The following THAP2 variants were observed in gnomAD, a reference collection of about 807,000 sequenced individuals.
The protein encoded by THAP2 is THAP domain containing 2, also known as THAP domain-containing protein 2.
Under a neutral mutation model 18.8 loss-of-function variants are expected in THAP2, and 16 were observed. The ratio of observed to expected loss-of-function variants is 0.85; its 90% CI spans 0.58 to 1.29. THAP2 has a LOEUF of 1.29. Among genes scored for constraint, THAP2 ranks in the 50% most tolerant of loss-of-function variants. The probability of loss-of-function intolerance (pLI) is 0.00; values close to 1 mark genes in which losing one functional copy is unlikely to be tolerated. For synonymous variants in THAP2, 80 were observed against 89.2 expected (o/e 0.90, Z 0.58); for missense variants, 251 against 265.3 (o/e 0.95, Z 0.38).
rs573614661 is a variant in THAP2, at chr12:71,677,381, C to G, written c.*273C>G. 2.6e-5 allele frequency: 6 copies of G among 231,808 alleles called. No individual in the cohort carries two copies. Among genetic ancestry groups the G allele is most frequent in the Admixed American group, 1.6e-4 (3 of 19,264 alleles). The allele number at this position is 231,808 out of a possible 1,614,324, so 14.4% of individuals were successfully genotyped here. On this transcript the variant is annotated 3_prime_UTR_variant, in exon 3 of 3. Coordinates refer to ENST00000308086, the MANE Select transcript of THAP2 (RefSeq NM_031435.4). ...TGTTTTTTGTTTTTGTCTTTTTAAA[C>G]TACTGTTAAAAGAACAGCTTATGAT...
chr12:71,668,816 G>A (rs1881386608), intron 1 of THAP2, among the ~76,000 whole-genome samples: 3 of 152,160 alleles, frequency 2.0e-5, no homozygotes, highest in Admixed American at 1.3e-4. Context: ...GTCTAGATAA[G>A]AATATATCCT....
intron 1 of THAP2, among the ~76,000 whole-genome samples, chr12:71,665,944 C>G (rs1188285919): frequency 1.3e-5 from 2 of 152,098 alleles, no homozygotes; most frequent in African/African-American, 4.8e-5. Context: ...TTTTCCTTCA[C>G]AGGGAAATCT....
At chr12:71,676,668 C>T (rs754068924) in intron 2 of THAP2, 21 bp from the exon 3 acceptor site, 1 of 1,556,936 alleles carries the variant, frequency 6.4e-7, no homozygotes, top group Admixed American at 2.1e-5. Context: ...ATGTTCAACC[C>T]TCTAATTTTA....
chr12:71,664,390 A>C lies in THAP2; in HGVS notation c.-120A>C. 2 of 1,243,666 alleles carry C rather than the reference A, an allele frequency of 1.6e-6. No individual in the cohort carries two copies. Among genetic ancestry groups the C allele is most frequent in the Non-Finnish European group, 2.3e-6 (2 of 853,810 alleles). The allele number at this position is 1,243,666 out of a possible 1,614,324, so 77.0% of individuals were successfully genotyped here. A position where few individuals can be genotyped will look rare whatever the true frequency, so the allele number is the denominator to read the frequency against. ...CACCCCTTCTTCCCACTCCGCTCTC[A>C]CGACTAAGCTCTCACGATTAAGGCA... On this transcript the variant is annotated 5_prime_UTR_variant, in exon 1 of 3. Transcript: ENST00000308086.
In THAP2 at chr12:71,678,452, A is replaced by G. The variant is rs1233774786; in HGVS notation, c.*1344A>G. On this transcript the variant is annotated 3_prime_UTR_variant, in exon 3 of 3. Coordinates refer to ENST00000308086, the MANE Select transcript of THAP2 (RefSeq NM_031435.4). ...TATTCTTATCATTGCCACTTGAACA[A>G]TTAAAGGGTTTGCTTTATTTCACTA... 2 of 152,790 alleles carry G rather than the reference A, an allele frequency of 1.3e-5. No homozygotes were observed. The highest frequency in any genetic ancestry group is 2.1e-4 in the South Asian group (1 of 4,830). 9.5% of individuals were successfully genotyped at this position (152,790 alleles called of 1,614,324 possible). A position where few individuals can be genotyped will look rare whatever the true frequency, so the allele number is the denominator to read the frequency against.
chr12:71,666,217 T>A (rs1182533061), intron 1 of THAP2, among the ~76,000 whole-genome samples: 1 of 152,038 alleles, frequency 6.6e-6, no homozygotes, highest in African/African-American at 2.4e-5. Flanking sequence ...CAGACACCAA[T>A]AACAATGTTT....
intron 1 of THAP2, among the ~76,000 whole-genome samples, chr12:71,668,504 T>G (rs568467667): frequency 5.3e-4 from 80 of 152,298 alleles, no homozygotes; most frequent in Non-Finnish European, 9.4e-4. Context: ...TTGCCTAAAG[T>G]CACCCAGATA....
intron 1 of THAP2, among the ~76,000 whole-genome samples, chr12:71,668,390 G>A (rs1280804944): frequency 6.6e-6 from 1 of 152,138 alleles, no homozygotes; most frequent in Non-Finnish European, 1.5e-5. Flanking sequence ...TGTGCACTGG[G>A]CTAAGCATTT....
chr12:71,674,997 C>CA (rs201970891), intron 2 of THAP2, among the ~76,000 whole-genome samples: 1 of 147,902 alleles, frequency 6.8e-6, no homozygotes, highest in East Asian at 2.0e-4. Context: ...AAAAATGAAG[C>CA]AAAAAAAAGT....
rs1881289265 is a variant in THAP2, at chr12:71,664,482, A to G, written c.-28A>G. 6.2e-7 allele frequency: 1 copy of G among 1,613,670 alleles called. No individual in the cohort carries two copies. Among genetic ancestry groups the G allele is most frequent in the Non-Finnish European group, 8.5e-7 (1 of 1,179,728 alleles). On this transcript the variant is annotated 5_prime_UTR_variant, in exon 1 of 3. Transcript: ENST00000308086. Reference sequence around the variant, plus strand: ...GCAGCCAGCGCCTCAGTAGAGACCTAAGGGCGCTGAATGAGTGGGAAAGGG... The same window carrying G: ...GCAGCCAGCGCCTCAGTAGAGACCTGAGGGCGCTGAATGAGTGGGAAAGGG...
At position 71,678,908 on chromosome 12, in the gene THAP2, G is replaced by A. The variant is rs1354070035; in HGVS notation, c.*1800G>A. On this transcript the variant is annotated 3_prime_UTR_variant, in exon 3 of 3. Coordinates refer to ENST00000308086, the MANE Select transcript of THAP2 (RefSeq NM_031435.4). The stretch of plus-strand genomic sequence containing the variant: ...TCTTAAGTATTAGATGTAGTTCCTT[G>A]GAATTGTCATTACATATTTATTTTT... 1 of 151,768 alleles carries A rather than the reference G, an allele frequency of 6.6e-6. No homozygotes were observed. The allele number at this position is 151,768 out of a possible 1,614,324, so 9.4% of individuals were successfully genotyped here. A position where few individuals can be genotyped will look rare whatever the true frequency, so the allele number is the denominator to read the frequency against.
chr12:71,670,701 G>A (rs906448164), intron 1 of THAP2, among the ~76,000 whole-genome samples: 14 of 152,092 alleles, frequency 9.2e-5, no homozygotes, highest in African/African-American at 3.4e-4. Flanking sequence ...CATTTTGGGA[G>A]GCCGAAGCAG....
At chr12:71,675,732 T>C (rs1325838717) in intron 2 of THAP2, among the ~76,000 whole-genome samples, 1 of 152,122 alleles carries the variant, frequency 6.6e-6, no homozygotes, top group Non-Finnish European at 1.5e-5. Context: ...ATCAAGATGG[T>C]AAATTGCAGA....
Position 71,664,960 on chromosome 12 carries a change from T to G in THAP2, c.71+380T>G, listed in dbSNP as rs763704790. ...AAGCCTGCTGTGTTCCCGTTAAAATTAGGAAATTCTCACTAGATGAATTGA... is the reference window on the plus strand; with the variant it reads ...AAGCCTGCTGTGTTCCCGTTAAAATGAGGAAATTCTCACTAGATGAATTGA... On this transcript the variant is annotated intron_variant, in intron 1 of 2. Transcript: ENST00000308086. The G allele has an allele frequency of 7.1e-6, 5 of 702,312 alleles. No homozygotes were observed. In the South Asian group the frequency reaches 7.4e-5, roughly 10 times the overall value. The allele number at this position is 702,312 out of a possible 1,614,324, so 43.5% of individuals were successfully genotyped here. A position where few individuals can be genotyped will look rare whatever the true frequency, so the allele number is the denominator to read the frequency against.
chr12:71,672,899 C>A (rs956588453), intron 1 of THAP2, among the ~76,000 whole-genome samples: 9 of 152,062 alleles, frequency 5.9e-5, no homozygotes, highest in Admixed American at 5.2e-4. Context: ...CACTTTCTGC[C>A]ATGATACACA....
intron 1 of THAP2, 60 bp downstream of exon 1, chr12:71,664,640 G>A (rs1881296246): frequency 4.4e-6 from 7 of 1,582,442 alleles, no homozygotes; most frequent in Non-Finnish European, 8.7e-7. Flanking sequence ...GCTATCGCTT[G>A]TGTGGAAGGA....
At position 71,679,785 on chromosome 12, in the gene THAP2, GC is replaced by G. The variant is rs927860561; in HGVS notation, c.*2678del. The G allele has an allele frequency of 6.6e-6, 1 of 152,086 alleles. No homozygotes were observed. Among genetic ancestry groups the G allele is most frequent in the African/African-American group, 2.4e-5 (1 of 41,416 alleles). 9.4% of individuals were successfully genotyped at this position (152,086 alleles called of 1,614,324 possible). A position where few individuals can be genotyped will look rare whatever the true frequency, so the allele number is the denominator to read the frequency against. The stretch of plus-strand genomic sequence containing the variant: ...ACTGTAGACCTTTTTATAATCAAAT[GC>G]TTTTGTCTTGAAACAAAACAGATTC... On this transcript the variant is annotated 3_prime_UTR_variant, in exon 3 of 3. Coordinates refer to ENST00000308086, the MANE Select transcript of THAP2 (RefSeq NM_031435.4).
At chr12:71,669,927 A>G (rs1881405032) in intron 1 of THAP2, among the ~76,000 whole-genome samples, 1 of 149,328 alleles carries the variant, frequency 6.7e-6, no homozygotes, top group Non-Finnish European at 1.5e-5. Flanking sequence ...ACTGCACTCC[A>G]GCCTCGGCAA....
At chr12:71,664,762 T>G in intron 1 of THAP2, 182 bp downstream of exon 1, 1 of 770,084 alleles carries the variant, frequency 1.3e-6, no homozygotes, top group East Asian at 2.7e-5. Flanking sequence ...CGGGGAAGCT[T>G]TACTCATTTT....
Sources: allele counts gnomAD v4.1 joint callset (sites outside exome capture counted in the v4.1 genomes callset), GRCh38; gene constraint gnomAD v4.1.1; transcripts MANE v1.5; gene names NCBI Gene and HGNC (gene_info 2026-07-23, HGNC 2026-07-21).